ZNF416: variants seen among roughly 807,000 people sequenced by gnomAD.
The protein encoded by ZNF416 is zinc finger protein 416.
ZNF416 carries 5 observed loss-of-function variants against 10.9 expected under a neutral mutation model. The ratio of observed to expected loss-of-function variants is 0.46; its 90% CI spans 0.24 to 0.97. The LOEUF is 0.97. Among genes scored for constraint, ZNF416 ranks in the 50% least tolerant of loss-of-function variants. ZNF416 has a pLI of 0.19. For synonymous variants in ZNF416, 267 were observed against 251.8 expected, an observed-to-expected ratio of 1.06 and a Z score of -0.57; for missense variants, 675 against 715.0, an observed-to-expected ratio of 0.94 and a Z score of 0.64.
rs747858780 is a variant in ZNF416 at position 57,572,773 on chromosome 19, T to C, written c.1131A>G (p.Thr377=). The part of the protein sequence containing the change: ...STLVRHQRTH[T]GEKPYECGEC... ...CACCACACTCATATGGCTTTTCTCC[T>C]GTGTGAGTTCTCTGGTGTCGAACAA... Residue 377 remains threonine, a synonymous_variant, in exon 4 of 4, where the codon ACA becomes ACG. Transcript: ENST00000196489. The surrounding 1 kb of genome is among the most constrained non-coding windows in gnomAD (Gnocchi z 4.5). 19 of 1,613,586 alleles carry C rather than the reference T, an allele frequency of 1.2e-5. 1 individual carries two copies. The Middle Eastern group carries it at 6.6e-4, about 56-fold the overall frequency.
intron 1 of ZNF416, chr19:57,578,382 A>G: frequency 1.8e-6 from 1 of 558,466 alleles, no homozygotes; most frequent in Non-Finnish European, 3.2e-6. Context: ...GTCTGTTCAC[A>G]ACCACCCATG....
chr19:57,571,772 A>C lies in ZNF416; in HGVS notation c.*347T>G. ...AACTGGTCAGATGTATGCTGTAATCAGTCAGAAAAGGGAAGGAATTCCCCT... is the reference window on the plus strand; with the variant it reads ...AACTGGTCAGATGTATGCTGTAATCCGTCAGAAAAGGGAAGGAATTCCCCT... On this transcript the variant is annotated 3_prime_UTR_variant, in exon 4 of 4. Coordinates refer to ENST00000196489, the MANE Select transcript of ZNF416 (RefSeq NM_017879.3). The C allele has an allele frequency of 4.6e-6, 1 of 218,938 alleles. No homozygotes were observed. The highest frequency in any genetic ancestry group is 1.1e-4 in the South Asian group (1 of 9,490). 13.6% of individuals were successfully genotyped at this position (218,938 alleles called of 1,614,324 possible).
At position 57,572,131 on chromosome 19, in the gene ZNF416, AG is replaced by A; in HGVS notation, c.1772del (p.Ser591LeufsTer7). The A allele has an allele frequency of 6.2e-7, 1 of 1,610,786 alleles. No homozygotes were observed. The highest frequency in any genetic ancestry group is 8.5e-7 in the Non-Finnish European group (1 of 1,177,248). On this transcript the variant is annotated frameshift_variant, in exon 4 of 4. Transcript: ENST00000196489. LOFTEE classifies it low-confidence loss of function (END_TRUNC). This position sits in a 1 kb window ranked among gnomAD's most constrained non-coding sequence, Gnocchi z 4.5. The stretch of plus-strand genomic sequence containing the variant: ...GGAGTTTCAAGAGTTAAACAATGTT[AG>A]ATCTTGGGCTGTAGGGTTTTCCACA... ...SKCGKPYSPRSNIV is the reference protein window; with the variant it reads ...SKCGKPYSPRXNIV
rs548420526 is a variant in ZNF416 at position 57,573,569 on chromosome 19, A to G, written c.335T>C (p.Phe112Ser). Reference sequence around the variant, plus strand: ...GGTCAGGTGCAAAATGTCGGTCAGGAATGGGACACACATGTCACAGGATTG... The same window carrying G: ...GGTCAGGTGCAAAATGTCGGTCAGGGATGGGACACACATGTCACAGGATTG... ...KIQSCDMCVP[F>S]LTDILHLTDL... The change falls in exon 4 of 4, where the codon TTC becomes TCC. Residue 112 changes from phenylalanine to serine, a missense_variant. Phe to Ser is a radical substitution (Grantham distance 155). Coordinates refer to ENST00000196489, the MANE Select transcript of ZNF416 (RefSeq NM_017879.3). The G allele has an allele frequency of 3.3e-5, 54 of 1,614,198 alleles. 1 individual carries two copies. In the South Asian group the frequency reaches 5.6e-4, roughly 17 times the overall value.
rs751273821 is a variant in ZNF416 at position 57,572,253 on chromosome 19, CAT to C, written c.1649_1650del (p.Tyr550Ter). The C allele has an allele frequency of 6.2e-7, 1 of 1,614,220 alleles. No homozygotes were observed. The highest frequency in any genetic ancestry group is 1.1e-5 in the South Asian group (1 of 91,084). ...AAGGACTTCCCACATTTGCCACACT[CAT>C]ATGGCCTTTCTCCTGTGTGAACCAC... ...HQVVHTGERP[Y>X]ECGKCGKSFT... On this transcript the variant is annotated frameshift_variant, in exon 4 of 4. Transcript: ENST00000196489. LOFTEE classifies it low-confidence loss of function (END_TRUNC). This position sits in a 1 kb window ranked among gnomAD's most constrained non-coding sequence, Gnocchi z 4.5.
Position 57,573,573 on chromosome 19 carries a change from G to T in ZNF416, c.331C>A (p.Pro111Thr), listed in dbSNP as rs1978409445. 6.2e-7 allele frequency: 1 copy of T among 1,614,044 alleles called. No individual in the cohort carries two copies. Among genetic ancestry groups the T allele is most frequent in the African/African-American group, 1.3e-5 (1 of 74,908 alleles). ...QKIQSCDMCVPFLTDILHLTD... is the reference protein window; with the variant it reads ...QKIQSCDMCVTFLTDILHLTD... ...AGGTGCAAAATGTCGGTCAGGAATG[G>T]GACACACATGTCACAGGATTGAATC... The change falls in exon 4 of 4, where the codon CCA (proline) becomes ACA (threonine). Residue 111 changes from proline (P) to threonine (T), a missense_variant. Pro to Thr is a conservative substitution (Grantham distance 38). Coordinates refer to ENST00000196489, the MANE Select transcript of ZNF416 (RefSeq NM_017879.3).
Position 57,573,470 on chromosome 19 carries a change from G to A in ZNF416, c.434C>T (p.Ala145Val), listed in dbSNP as rs1382042682. 1 of 1,614,212 alleles carries A rather than the reference G, an allele frequency of 6.2e-7. No individual in the cohort carries two copies. The highest frequency in any genetic ancestry group is 1.3e-5 in the African/African-American group (1 of 75,058). The change falls in exon 4 of 4, where the codon GCA becomes GTA. Residue 145 changes from alanine to valine, a missense_variant. Transcript: ENST00000196489. ...CATGTCACTTTCCAAGGGTTTCTCTGCACTATGATGCTTCTGGTCCTGGTG... is the reference window on the plus strand; with the variant it reads ...CATGTCACTTTCCAAGGGTTTCTCTACACTATGATGCTTCTGGTCCTGGTG... ...VFHQDQKHHS[A>V]EKPLESDMDK...
Position 57,573,614 on chromosome 19 carries a change from C to G in ZNF416, c.290G>C (p.Ser97Thr). The G allele has an allele frequency of 6.2e-7, 1 of 1,614,234 alleles. No individual in the cohort carries two copies. Among genetic ancestry groups the G allele is most frequent in the African/African-American group, 1.3e-5 (1 of 75,058 alleles). ...GVPQVRTPEASPSTQKIQSCD... is the reference protein window; with the variant it reads ...GVPQVRTPEATPSTQKIQSCD... ...GGATTGAATCTTCTGGGTGGATGGA[C>G]TGGCCTCTGGAGTCCTGACCTGAGG... The change falls in exon 4 of 4, where the codon AGT becomes ACT. Residue 97 changes from serine (S) to threonine (T), a missense_variant. Ser to Thr is a moderately conservative substitution (Grantham distance 58). Transcript: ENST00000196489.
chr19:57,575,954 T>C lies in ZNF416; in HGVS notation c.76-24A>G. 2 of 1,609,176 alleles carry C rather than the reference T, an allele frequency of 1.2e-6. No homozygotes were observed. Among genetic ancestry groups the C allele is most frequent in the Non-Finnish European group, 1.7e-6 (2 of 1,177,256 alleles). On this transcript the variant is annotated intron_variant, in intron 2 of 3. Transcript: ENST00000196489. The surrounding 1 kb of genome is among the most constrained non-coding windows in gnomAD (Gnocchi z 4.4). ...CCCTGCCATGATGGGGATAGATCTTTCCATGATCAGATTCTCTCCTAGGAC... is the reference window on the plus strand; with the variant it reads ...CCCTGCCATGATGGGGATAGATCTTCCCATGATCAGATTCTCTCCTAGGAC...
intron 2 of ZNF416, among the ~76,000 whole-genome samples, chr19:57,577,550 G>A (rs182196223): frequency 1.2e-4 from 19 of 152,244 alleles, no homozygotes; most frequent in African/African-American, 4.6e-4. Context: ...CTGGACTACT[G>A]CAGCAGCCTT....
chr19:57,573,779 G>A (rs1409142587), intron 3 of ZNF416, 78 bp from the exon 4 acceptor site: 10 of 1,510,972 alleles, frequency 6.6e-6, no homozygotes, highest in Non-Finnish European at 8.8e-6. Context: ...ACTATTTTCT[G>A]AATAATTGGT....
rs148782842 is a variant in ZNF416, at chr19:57,573,286, C to G, written c.618G>C (p.Glu206Asp). The G allele has an allele frequency of 2.6e-4, 420 of 1,614,242 alleles. No homozygotes were observed. The highest frequency in any genetic ancestry group is 6.5e-4 in the Admixed American group (39 of 60,030). ...EKPNKISKCE[E>D]AFHVGISHYK... ...AATGACTTATTCCAACATGAAAGGC[C>G]TCCTCACATTTGCTGATTTTGTTTG... The change falls in exon 4 of 4, where the codon GAG becomes GAC. Residue 206 changes from glutamate (E) to aspartate (D), a missense_variant. Transcript: ENST00000196489.
intron 2 of ZNF416, among the ~76,000 whole-genome samples, chr19:57,577,530 T>C (rs1386805415): frequency 6.6e-6 from 1 of 152,130 alleles, no homozygotes; most frequent in Non-Finnish European, 1.5e-5. Context: ...CAGCCACCAG[T>C]AACACTCACC....
rs1017304540 is a variant in ZNF416, at chr19:57,572,758, A to C, written c.1146T>G (p.Tyr382Ter). 6.2e-7 allele frequency: 1 copy of C among 1,614,080 alleles called. No individual in the cohort carries two copies. Among genetic ancestry groups the C allele is most frequent in the African/African-American group, 1.3e-5 (1 of 75,006 alleles). The change falls in exon 4 of 4, where the codon TAT (tyrosine) becomes TAG (stop). Residue 382 changes from tyrosine (Y) to a stop codon, truncating the protein, a stop_gained. Transcript: ENST00000196489. LOFTEE classifies it low-confidence loss of function (END_TRUNC). This position sits in a 1 kb window ranked among gnomAD's most constrained non-coding sequence, Gnocchi z 4.5. ...HQRTHTGEKP[Y>*]ECGECGKLFR... Reference sequence around the variant, plus strand: ...ATAATTTCCCACATTCACCACACTCATATGGCTTTTCTCCTGTGTGAGTTC... The same window carrying C: ...ATAATTTCCCACATTCACCACACTCCTATGGCTTTTCTCCTGTGTGAGTTC...
chr19:57,577,476 T>G (rs1978584541), intron 2 of ZNF416, among the ~76,000 whole-genome samples: 1 of 152,090 alleles, frequency 6.6e-6, no homozygotes, highest in Non-Finnish European at 1.5e-5. Flanking sequence ...TTAAAAAAAC[T>G]GATCTAAAAT....
Position 57,578,685 on chromosome 19 carries a change from C to G in ZNF416, c.20G>C (p.Arg7Thr). 6.4e-7 allele frequency: 1 copy of G among 1,554,146 alleles called. No homozygotes were observed. The highest frequency in any genetic ancestry group is 8.7e-7 in the Non-Finnish European group (1 of 1,151,512). The change falls in exon 1 of 4, where the codon AGG (arginine) becomes ACG (threonine). Residue 7 changes from arginine to threonine, a missense_variant. Coordinates refer to ENST00000196489, the MANE Select transcript of ZNF416 (RefSeq NM_017879.3). ...CGCAGCACTCACCGAAGTCGAATCCCTAAGCACGGCCGCCGCCATCGGATT... is the reference window on the plus strand; with the variant it reads ...CGCAGCACTCACCGAAGTCGAATCCGTAAGCACGGCCGCCGCCATCGGATT... MAAAVLRDSTSVPVTAE... is the reference protein window; with the variant it reads MAAAVLTDSTSVPVTAE...
chr19:57,576,104 G>A (rs1978526773), intron 2 of ZNF416, among the ~76,000 whole-genome samples, 174 bp from the exon 3 acceptor site: 1 of 152,068 alleles, frequency 6.6e-6, no homozygotes, highest in Non-Finnish European at 1.5e-5. Flanking sequence ...CATCATCACT[G>A]TGTCTTCCCA....
intron 1 of ZNF416, 22 bp downstream of exon 1, chr19:57,578,650 G>T: frequency 6.5e-7 from 1 of 1,545,266 alleles, no homozygotes. Context: ...GGCAGGTGAG[G>T]CCCGGGAGAC....
In ZNF416 at chr19:57,573,003, C is replaced by T. The variant is rs373571039; in HGVS notation, c.901G>A (p.Gly301Ser). The change falls in exon 4 of 4, where the codon GGT becomes AGT. Residue 301 changes from glycine (G) to serine (S), a missense_variant. Coordinates refer to ENST00000196489, the MANE Select transcript of ZNF416 (RefSeq NM_017879.3). Reference sequence around the variant, plus strand: ...TGGCTAAATGATTTCCCACACTGACCACACACATAAGGCCTTTCTCCAGTG... The same window carrying T: ...TGGCTAAATGATTTCCCACACTGACTACACACATAAGGCCTTTCTCCAGTG... ...IHTGERPYVCGQCGKSFSQRA... is the reference protein window; with the variant it reads ...IHTGERPYVCSQCGKSFSQRA... 3 of 1,613,884 alleles carry T rather than the reference C, an allele frequency of 1.9e-6. No individual in the cohort carries two copies. In the African/African-American group the frequency reaches 4.0e-5, roughly 22 times the overall value.
Sources: gnomAD v4.1 joint callset for allele counts (sites outside exome capture counted in the v4.1 genomes callset) on GRCh38, gnomAD v4.1.1 for gene constraint, Gnocchi (gnomAD v3.1) non-coding constraint, MANE v1.5 for transcripts, NCBI Gene and HGNC (gene_info 2026-07-23, HGNC 2026-07-21) for gene names.